Variants in SPOCK3 observed in about 807,000 individuals in gnomAD.
SPOCK3 encodes SPARC (osteonectin), cwcv and kazal like domains proteoglycan 3.
In SPOCK3, 30 loss-of-function variants were observed where a neutral mutation model predicts 56.6. The ratio of observed to expected loss-of-function variants is 0.53; its 90% CI spans 0.40 to 0.72. The LOEUF is 0.72. SPOCK3 is among the 30% of genes least tolerant of loss of function. The pLI, the probability that SPOCK3 is intolerant of heterozygous loss-of-function variation, is 0.00. For synonymous variants in SPOCK3, 196 were observed against 183.3 expected (o/e 1.07, Z -0.56); for missense variants, 527 against 530.0 (o/e 0.99, Z 0.06).
chr4:166,909,883 C>A (rs901273385), intron 5 of SPOCK3, among the ~76,000 whole-genome samples: 2 of 152,092 alleles, frequency 1.3e-5, no homozygotes, highest in African/African-American at 4.8e-5. Flanking sequence ...CTCTCATAAG[C>A]AGATGTTGGG....
At chr4:166,893,604 G>A (rs1057159593) in intron 5 of SPOCK3, among the ~76,000 whole-genome samples, 13 of 152,098 alleles carry the variant, frequency 8.5e-5, no homozygotes, top group South Asian at 4.1e-4. Context: ...GGGCTGAAAT[G>A]GGATTCAAGC....
chr4:166,974,448 T>C (rs536781723), intron 4 of SPOCK3, among the ~76,000 whole-genome samples: 1 of 152,314 alleles, frequency 6.6e-6, no homozygotes, highest in South Asian at 2.1e-4. Context: ...CCTATGTGCA[T>C]ATTATTTTGC....
chr4:167,046,032 A>G (rs1355723099), intron 3 of SPOCK3, among the ~76,000 whole-genome samples: 1 of 151,844 alleles, frequency 6.6e-6, no homozygotes, highest in Admixed American at 6.6e-5. Flanking sequence ...TGTCTGGACA[A>G]CTCTTTATTT....
chr4:166,739,381 C>T (rs1018888702), intron 9 of SPOCK3, among the ~76,000 whole-genome samples: 2 of 152,042 alleles, frequency 1.3e-5, no homozygotes, highest in Non-Finnish European at 2.9e-5. Context: ...GCTGAGATTA[C>T]AGGCATGCAC....
At chr4:166,842,978 G>A (rs1278624393) in intron 6 of SPOCK3, among the ~76,000 whole-genome samples, 2 of 152,342 alleles carry the variant, frequency 1.3e-5, no homozygotes, top group East Asian at 3.9e-4. Context: ...CCGCGGGGAG[G>A]CAGCTGAGGC....
At chr4:166,946,831 A>G (rs897711767) in intron 4 of SPOCK3, among the ~76,000 whole-genome samples, 2 of 152,224 alleles carry the variant, frequency 1.3e-5, no homozygotes, top group African/African-American at 4.8e-5. Flanking sequence ...GATAGCACCT[A>G]TAACAGTATC....
chr4:166,963,390 G>T (rs76410970), intron 4 of SPOCK3, among the ~76,000 whole-genome samples: 1 of 151,994 alleles, frequency 6.6e-6, no homozygotes, highest in African/African-American at 2.4e-5. Context: ...TGACACAGAT[G>T]CTTCTTTCGT....
intron 2 of SPOCK3, among the ~76,000 whole-genome samples, chr4:167,177,386 A>T (rs577699225): frequency 6.6e-6 from 1 of 152,052 alleles, no homozygotes; most frequent in Admixed American, 6.6e-5. Context: ...TGCCACTATT[A>T]TCATCACCAC....
At position 166,937,237 on chromosome 4, in the gene SPOCK3, A is replaced by G. The variant is rs963850394; in HGVS notation, c.351-24494T>C. Among the ~76,000 whole-genome samples the G allele has an allele frequency of 1.1e-4, 16 of 152,106 alleles. No individual in the cohort carries two copies. In the East Asian group the frequency reaches 3.1e-3, roughly 29 times the overall value. Reference sequence around the variant, plus strand: ...CAATAAGCATCAAGTCGTGACTAGAAAATAAATGTAATACATTTCTGGAAA... The same window carrying G: ...CAATAAGCATCAAGTCGTGACTAGAGAATAAATGTAATACATTTCTGGAAA... On this transcript the variant is annotated intron_variant, in intron 4 of 10. Transcript: ENST00000357545.
chr4:167,070,735 A>T (rs1212783686), intron 2 of SPOCK3, among the ~76,000 whole-genome samples: 3 of 151,990 alleles, frequency 2.0e-5, no homozygotes, highest in Admixed American at 6.6e-5. Context: ...AATGGCTAGC[A>T]TAACAGTTAA....
intron 4 of SPOCK3, among the ~76,000 whole-genome samples, chr4:166,993,015 C>CGATCATCGA (rs939336571): frequency 1.3e-5 from 2 of 152,072 alleles, no homozygotes; most frequent in African/African-American, 4.8e-5. Context: ...CCTCTTCTAC[C>CGATCATCGA]GATCATCGAT....
intron 4 of SPOCK3, among the ~76,000 whole-genome samples, chr4:166,936,758 CTGAT>C (rs1440463182): frequency 3.3e-5 from 5 of 151,938 alleles, no homozygotes; most frequent in Admixed American, 6.6e-5. Context: ...GTTTTAATGA[CTGAT>C]TCTTATTCTA....
intron 6 of SPOCK3, among the ~76,000 whole-genome samples, chr4:166,836,626 G>A (rs1407143677): frequency 1.3e-5 from 2 of 152,072 alleles, no homozygotes; most frequent in East Asian, 1.9e-4. Flanking sequence ...TGGCCCCTAT[G>A]GAGTGGTTTT....
At chr4:167,004,143 A>C (rs2150133655) in intron 3 of SPOCK3, among the ~76,000 whole-genome samples, 1 of 152,358 alleles carries the variant, frequency 6.6e-6, no homozygotes, top group East Asian at 1.9e-4. Context: ...AATAGTTATT[A>C]ATAATTAGAA....
intron 8 of SPOCK3, among the ~76,000 whole-genome samples, chr4:166,744,188 C>A (rs1214002912): frequency 6.6e-6 from 1 of 152,332 alleles, no homozygotes; most frequent in Admixed American, 6.5e-5. Context: ...AGTAGCCTAA[C>A]TGGGAGATAC....
chr4:167,140,226 G>A (rs1763424712), intron 2 of SPOCK3, among the ~76,000 whole-genome samples: 1 of 152,008 alleles, frequency 6.6e-6, no homozygotes, highest in Non-Finnish European at 1.5e-5. Flanking sequence ...AAGCACACTG[G>A]ATAATAGTGA....
chr4:166,826,996 A>G (rs1224937275), intron 6 of SPOCK3, among the ~76,000 whole-genome samples: 1 of 152,096 alleles, frequency 6.6e-6, no homozygotes, highest in Non-Finnish European at 1.5e-5. Context: ...TTAAAAAAAT[A>G]AAAACATGAC....
chr4:167,105,258 CAATAAGATA>C (rs1351178593), intron 2 of SPOCK3, among the ~76,000 whole-genome samples: 1 of 151,424 alleles, frequency 6.6e-6, no homozygotes, highest in African/African-American at 2.4e-5. Context: ...AGAGAAGGTA[CAATAAGATA>C]TAAATAGAAA....
At chr4:166,807,967 C>T (rs1262132560) in intron 6 of SPOCK3, among the ~76,000 whole-genome samples, 1 of 151,752 alleles carries the variant, frequency 6.6e-6, no homozygotes, top group African/African-American at 2.4e-5. Context: ...TTTTATCTTT[C>T]TATGTTCTCT....
Sources: allele counts gnomAD v4.1 joint callset (sites outside exome capture counted in the v4.1 genomes callset), GRCh38; gene constraint gnomAD v4.1.1; transcripts MANE v1.5; gene names NCBI Gene and HGNC (gene_info 2026-07-23, HGNC 2026-07-21).